SEZ6L2: variants seen among roughly 807,000 people sequenced by gnomAD.
SEZ6L2 encodes seizure 6-like protein 2.
SEZ6L2 carries 44 observed loss-of-function variants against 97.0 expected under a neutral mutation model. The observed-to-expected ratio is 0.45, with a 90% confidence interval of 0.36 to 0.58. SEZ6L2 has a LOEUF of 0.58. Ranked by LOEUF, SEZ6L2 falls within the 20% of genes least tolerant of loss-of-function variation. The probability of loss-of-function intolerance (pLI) is 0.00; values close to 1 mark genes in which losing one functional copy is unlikely to be tolerated. For synonymous variants in SEZ6L2, 543 were observed against 546.1 expected (o/e 0.99, Z 0.08); for missense variants, 1,086 against 1,233.3 (o/e 0.88, Z 1.79).
At position 29,888,685 on chromosome 16, in the gene SEZ6L2, A is replaced by G. The variant is rs112713501; in HGVS notation, c.894T>C (p.His298=). Residue 298 remains histidine, a synonymous_variant, in exon 6 of 18, where the codon CAT becomes CAC. Transcript: ENST00000617533. ...LSCGFPPRPA[H]GDVSVTDLHP... ...GCAGGTCCGTCACACTCACGTCCCC[A>G]TGGGCCGGCCGGGGAGGGAAGCCAC... The G allele has an allele frequency of 2.1e-5, 34 of 1,613,564 alleles. No homozygotes were observed. The highest frequency in any genetic ancestry group is 1.7e-4 in the African/African-American group (13 of 74,876).
intron 5 of SEZ6L2, among the ~76,000 whole-genome samples, chr16:29,893,004 C>A (rs759923251): frequency 1.6e-4 from 24 of 152,156 alleles, no homozygotes; most frequent in African/African-American, 5.3e-4. Flanking sequence ...CTTTAAATTG[C>A]AAATCTGAGG....
At chr16:29,892,928 G>T (rs1355888732) in intron 5 of SEZ6L2, among the ~76,000 whole-genome samples, 1 of 152,214 alleles carries the variant, frequency 6.6e-6, no homozygotes, top group African/African-American at 2.4e-5. Context: ...ATCTGTCATA[G>T]GTCCTAACAA....
At chr16:29,877,196 C>T (rs563140089) in intron 11 of SEZ6L2, 75 bp downstream of exon 11, 2 of 1,430,452 alleles carry the variant, frequency 1.4e-6, no homozygotes, top group East Asian at 2.5e-5. Context: ...AGGCGTGAGC[C>T]ACCACGACCG....
intron 5 of SEZ6L2, among the ~76,000 whole-genome samples, chr16:29,890,522 T>C (rs1041525084): frequency 6.6e-6 from 1 of 152,102 alleles, no homozygotes; most frequent in African/African-American, 2.4e-5. Flanking sequence ...AAGACCGATA[T>C]AGCCTACACA....
At position 29,873,745 on chromosome 16, in the gene SEZ6L2, C is replaced by T; in HGVS notation, c.2105-16G>A. The T allele has an allele frequency of 1.3e-6, 2 of 1,560,562 alleles. No individual in the cohort carries two copies. Among genetic ancestry groups the T allele is most frequent in the Non-Finnish European group, 1.7e-6 (2 of 1,155,426 alleles). ...CAAGTCATGACTGGTGGCAGAAGAACAAGGTCAGGGGGAGCGAGGGCCTTC... is the reference window on the plus strand; with the variant it reads ...CAAGTCATGACTGGTGGCAGAAGAATAAGGTCAGGGGGAGCGAGGGCCTTC... On this transcript the variant is annotated splice_polypyrimidine_tract_variant and intron_variant, in intron 12 of 17. Transcript: ENST00000617533. This position sits in a 1 kb window ranked among gnomAD's most constrained non-coding sequence, Gnocchi z 4.3.
Position 29,873,662 on chromosome 16 carries a change from G to T in SEZ6L2, c.2172C>A (p.Pro724=). ...AGCGGTACTGGACGTGGGAGCCAAC[G>T]GGGAAGCCGGCGTCCGAGGCGGTGC... The part of the protein sequence containing the change: ...GHRTASDAGF[P]VGSHVQYRCL... Residue 724 remains proline (P), a synonymous_variant, in exon 13 of 18, where the codon CCC becomes CCA. Transcript: ENST00000617533. This position sits in a 1 kb window ranked among gnomAD's most constrained non-coding sequence, Gnocchi z 4.3. The T allele has an allele frequency of 6.2e-7, 1 of 1,613,438 alleles. No homozygotes were observed. Among genetic ancestry groups the T allele is most frequent in the Non-Finnish European group, 8.5e-7 (1 of 1,179,862 alleles).
chr16:29,891,884 C>T (rs141474229), intron 5 of SEZ6L2, among the ~76,000 whole-genome samples: 1 of 152,198 alleles, frequency 6.6e-6, no homozygotes, highest in Non-Finnish European at 1.5e-5. Flanking sequence ...ACACGCAAAG[C>T]ACCTGGCACA....
At chr16:29,892,281 A>C (rs1032377379) in intron 5 of SEZ6L2, among the ~76,000 whole-genome samples, 1 of 152,246 alleles carries the variant, frequency 6.6e-6, no homozygotes, top group Non-Finnish European at 1.5e-5. Flanking sequence ...TGCAGCTGCG[A>C]AGCAGGGAAG....
Position 29,876,496 on chromosome 16 carries a change from G to A in SEZ6L2, c.2104+260C>T, listed in dbSNP as rs1331891228. ...GGCGGGGCCGTGAGACGAGGAAACAGGGACCGAGCCCAGGTCGGTGCAAGA... is the reference window on the plus strand; with the variant it reads ...GGCGGGGCCGTGAGACGAGGAAACAAGGACCGAGCCCAGGTCGGTGCAAGA... On this transcript the variant is annotated intron_variant, in intron 12 of 17. Coordinates refer to ENST00000617533, the MANE Select transcript of SEZ6L2 (RefSeq NM_001243332.2). This position sits in a 1 kb window ranked among gnomAD's most constrained non-coding sequence, Gnocchi z 6.5. Among the ~76,000 whole-genome samples the A allele has an allele frequency of 2.6e-5, 4 of 151,114 alleles. No individual in the cohort carries two copies. Among genetic ancestry groups the A allele is most frequent in the African/African-American group, 2.4e-5 (1 of 41,072 alleles).
At chr16:29,879,556 C>T (rs147410392) in intron 9 of SEZ6L2, among the ~76,000 whole-genome samples, 2 of 152,274 alleles carry the variant, frequency 1.3e-5, no homozygotes, top group Non-Finnish European at 2.9e-5. Flanking sequence ...GCATCTAGGT[C>T]CTGTTGTGTT....
chr16:29,880,938 A>ATT (rs72168896), intron 8 of SEZ6L2, among the ~76,000 whole-genome samples: 11 of 134,278 alleles, frequency 8.2e-5, no homozygotes, highest in Non-Finnish European at 4.8e-5. Flanking sequence ...TCATTTTCTG[A>ATT]TTTTTTTTTT....
At chr16:29,884,386 G>T (rs1248334762) in intron 8 of SEZ6L2, among the ~76,000 whole-genome samples, 5 of 152,152 alleles carry the variant, frequency 3.3e-5, no homozygotes, top group African/African-American at 9.7e-5. Flanking sequence ...GAGCCCAGGA[G>T]TTCAAGACCA....
chr16:29,880,450 G>A (rs1175697136), intron 8 of SEZ6L2, among the ~76,000 whole-genome samples: 1 of 151,984 alleles, frequency 6.6e-6, no homozygotes, highest in Non-Finnish European at 1.5e-5. Flanking sequence ...CTCCTGAGTA[G>A]CTGGGATTAT....
At chr16:29,886,498 A>G (rs1013221036) in intron 7 of SEZ6L2, among the ~76,000 whole-genome samples, 1 of 150,870 alleles carries the variant, frequency 6.6e-6, no homozygotes, top group South Asian at 2.1e-4. Context: ...ACACGGTGAA[A>G]CCCCAACTCT....
In SEZ6L2 at chr16:29,873,586, G is replaced by A. The variant is rs200081700; in HGVS notation, c.2248C>T (p.Arg750Trp). 13 of 1,614,140 alleles carry A rather than the reference G, an allele frequency of 8.1e-6. No homozygotes were observed. The highest frequency in any genetic ancestry group is 1.1e-5 in the Non-Finnish European group (13 of 1,180,008). The change falls in exon 13 of 18, where the codon CGG (arginine) becomes TGG (tryptophan). Residue 750 changes from arginine to tryptophan, a missense_variant. Physicochemically the swap from Arg to Trp is moderately radical, Grantham distance 101 (BLOSUM62 -3). Around this residue, in one of 2 missense-constraint regions of SEZ6L2, gnomAD observed 310 missense variants for 438.6 expected, o/e 0.71. Transcript: ENST00000617533. The surrounding 1 kb of genome is among the most constrained non-coding windows in gnomAD (Gnocchi z 4.3). The part of the protein sequence containing the change: ...EGAAMLTCYS[R>W]DTGTPKWSDR... ...CTCCACTTGGGTGTGCCTGTGTCCC[G>A]GCTGTAGCAGGTGAGCATGGCTGCC...
intron 2 of SEZ6L2, 127 bp downstream of exon 2, chr16:29,897,726 C>A: frequency 8.7e-7 from 1 of 1,154,270 alleles, no homozygotes; most frequent in Non-Finnish European, 1.2e-6. Flanking sequence ...CTGAATCTCA[C>A]AGGAATGCAG....
intron 12 of SEZ6L2, among the ~76,000 whole-genome samples, chr16:29,875,269 C>T (rs867087871): frequency 1.8e-4 from 28 of 152,302 alleles, no homozygotes; most frequent in Middle Eastern, 3.4e-3. Flanking sequence ...GGACTTGGCC[C>T]ATGGTCATTC....
rs2068374590 is a variant in SEZ6L2, at chr16:29,895,822, C to T, written c.550G>A (p.Val184Met). The change falls in exon 4 of 18, where the codon GTG (valine) becomes ATG (methionine). Residue 184 changes from valine to methionine, a missense_variant. Val to Met is a conservative substitution (Grantham distance 21). Around this residue, in one of 2 missense-constraint regions of SEZ6L2, gnomAD observed 776 missense variants for 794.7 expected, o/e 0.98. Coordinates refer to ENST00000617533, the MANE Select transcript of SEZ6L2 (RefSeq NM_001243332.2). ...NNNISEGEGY[V>M]ESPDLGSPVS... Reference sequence around the variant, plus strand: ...GGGCTCCCCAGATCTGGAGACTCCACATACCCTTCGCCCTCGGAGATGTTG... The same window carrying T: ...GGGCTCCCCAGATCTGGAGACTCCATATACCCTTCGCCCTCGGAGATGTTG... The T allele has an allele frequency of 1.2e-6, 2 of 1,614,036 alleles. No homozygotes were observed. Among genetic ancestry groups the T allele is most frequent in the Non-Finnish European group, 1.7e-6 (2 of 1,179,956 alleles).
intron 2 of SEZ6L2, 47 bp downstream of exon 2, chr16:29,897,806 T>A: frequency 6.4e-7 from 1 of 1,556,032 alleles, no homozygotes; most frequent in South Asian, 1.2e-5. Flanking sequence ...TGAGCCCATA[T>A]CCCTCCCTCT....
Sources: gnomAD v4.1 joint callset for allele counts (sites outside exome capture counted in the v4.1 genomes callset) on GRCh38, gnomAD v4.1.1 for gene constraint, gnomAD v4.1.1 regional missense constraint, Gnocchi (gnomAD v3.1) non-coding constraint, MANE v1.5 for transcripts, NCBI Gene and HGNC (gene_info 2026-07-23, HGNC 2026-07-21) for gene names.